The following PAPPA2 variants were observed in gnomAD, a reference collection of about 807,000 sequenced individuals.
PAPPA2 encodes the protein pappalysin 2.
In PAPPA2, 86 loss-of-function variants were observed where a neutral mutation model predicts 176.4. The ratio of observed to expected loss-of-function variants is 0.49; its 90% CI spans 0.41 to 0.58. The LOEUF is 0.58. Ranked by LOEUF, PAPPA2 falls within the 20% of genes least tolerant of loss-of-function variation. The probability of loss-of-function intolerance (pLI) is 0.00; values close to 1 mark genes in which losing one functional copy is unlikely to be tolerated. For missense variants in PAPPA2, 2,073 were observed against 2,256.9 expected, an observed-to-expected ratio of 0.92 and a Z score of 1.65; for synonymous variants, 809 against 852.2, an observed-to-expected ratio of 0.95 and a Z score of 0.88.
intron 17 of PAPPA2, among the ~76,000 whole-genome samples, chr1:176,778,711 A>G (rs574317265): frequency 5.9e-5 from 9 of 152,330 alleles, no homozygotes; most frequent in African/African-American, 2.2e-4. Context: ...TGTTCTATCT[A>G]TGATTGCTCA....
intron 17 of PAPPA2, among the ~76,000 whole-genome samples, chr1:176,785,386 G>A (rs750941657): frequency 6.6e-6 from 1 of 152,252 alleles, no homozygotes; most frequent in Non-Finnish European, 1.5e-5. Context: ...GAGGCTTAGA[G>A]ACGTTGGTTG....
At chr1:176,807,987 T>G (rs1362572467) in intron 21 of PAPPA2, among the ~76,000 whole-genome samples, 1 of 152,176 alleles carries the variant, frequency 6.6e-6, no homozygotes, top group Non-Finnish European at 1.5e-5. Context: ...GATGTACTCC[T>G]GCTTTCAGAA....
intron 4 of PAPPA2, among the ~76,000 whole-genome samples, chr1:176,684,027 G>T (rs1264989642): frequency 1.3e-5 from 2 of 152,044 alleles, no homozygotes; most frequent in Non-Finnish European, 2.9e-5. Context: ...TGAGAGCAAG[G>T]GTCCCTATCT....
At chr1:176,793,203 T>A (rs2102940782) in intron 19 of PAPPA2, among the ~76,000 whole-genome samples, 1 of 152,296 alleles carries the variant, frequency 6.6e-6, no homozygotes, top group South Asian at 2.1e-4. Flanking sequence ...ATAGACTTTG[T>A]CTAGCTAGAG....
chr1:176,556,228 A>T lies in PAPPA2; in HGVS notation c.-95A>T. 7.2e-7 allele frequency: 1 copy of T among 1,389,810 alleles called. No individual in the cohort carries two copies. Among genetic ancestry groups the T allele is most frequent in the Non-Finnish European group, 9.8e-7 (1 of 1,023,212 alleles). 86.1% of individuals were successfully genotyped at this position (1,389,810 alleles called of 1,614,324 possible). A position where few individuals can be genotyped will look rare whatever the true frequency, so the allele number is the denominator to read the frequency against. On this transcript the variant is annotated 5_prime_UTR_variant, in exon 2 of 23. Transcript: ENST00000367662. ...CAAAACAGTTTCCCTGGTGACTGCA[A>T]ATCCATTGCTAGCTGCCTCTTTCTC...
chr1:176,665,182 A>G (rs1658571255), intron 3 of PAPPA2, among the ~76,000 whole-genome samples: 1 of 152,234 alleles, frequency 6.6e-6, no homozygotes, highest in Non-Finnish European at 1.5e-5. Context: ...ATGAGCTCAT[A>G]CTACCATTAA....
chr1:176,483,060 G>A (rs1004596062), intron 1 of PAPPA2, among the ~76,000 whole-genome samples: 1 of 152,184 alleles, frequency 6.6e-6, no homozygotes, highest in African/African-American at 2.4e-5. Context: ...GAAGAGCATG[G>A]TGAATTCTCA....
At chr1:176,481,173 A>G (rs1299796779) in intron 1 of PAPPA2, among the ~76,000 whole-genome samples, 2 of 152,102 alleles carry the variant, frequency 1.3e-5, no homozygotes, top group East Asian at 1.9e-4. Context: ...TGATATTCCC[A>G]TAAGGAAGCC....
At chr1:176,586,495 A>G (rs1053736756) in intron 2 of PAPPA2, among the ~76,000 whole-genome samples, 2 of 151,924 alleles carry the variant, frequency 1.3e-5, no homozygotes, top group East Asian at 1.9e-4. Context: ...CTCTGTGTCC[A>G]TGTGTTCTCA....
At chr1:176,748,945 A>T (rs1400086323) in intron 14 of PAPPA2, among the ~76,000 whole-genome samples, 1 of 152,228 alleles carries the variant, frequency 6.6e-6, no homozygotes, top group African/African-American at 2.4e-5. Context: ...CCCAATGTTA[A>T]GTGACACATG....
chr1:176,510,785 A>G (rs1274094369), intron 1 of PAPPA2, among the ~76,000 whole-genome samples: 2 of 150,200 alleles, frequency 1.3e-5, no homozygotes, highest in African/African-American at 2.5e-5. Context: ...GCTAAAATGT[A>G]TATTTTAAAA....
At chr1:176,811,673 C>A (rs1344210231) in intron 21 of PAPPA2, among the ~76,000 whole-genome samples, 1 of 152,136 alleles carries the variant, frequency 6.6e-6, no homozygotes, top group Non-Finnish European at 1.5e-5. Context: ...AGGCTCACTA[C>A]CTGCCAAATT....
At chr1:176,489,421 A>G (rs989124052) in intron 1 of PAPPA2, among the ~76,000 whole-genome samples, 1 of 152,170 alleles carries the variant, frequency 6.6e-6, no homozygotes, top group Non-Finnish European at 1.5e-5. Flanking sequence ...TACTTTATAG[A>G]AAGTAGATTT....
At chr1:176,698,017 A>T (rs975643288) in intron 7 of PAPPA2, among the ~76,000 whole-genome samples, 1 of 152,146 alleles carries the variant, frequency 6.6e-6, no homozygotes, top group Non-Finnish European at 1.5e-5. Flanking sequence ...GCACACACAT[A>T]TTTTTGAAAT....
At chr1:176,574,731 G>A (rs1299231617) in intron 2 of PAPPA2, among the ~76,000 whole-genome samples, 1 of 152,116 alleles carries the variant, frequency 6.6e-6, no homozygotes, top group African/African-American at 2.4e-5. Context: ...GAAAATACAG[G>A]GATGCTTTGC....
chr1:176,671,239 G>A (rs923297618), intron 4 of PAPPA2, 124 bp downstream of exon 4: 55 of 1,289,026 alleles, frequency 4.3e-5, no homozygotes, highest in Non-Finnish European at 5.7e-5. Context: ...TGAATTAACT[G>A]CTTTGTGCTG....
Position 176,710,172 on chromosome 1 carries a change from C to T in PAPPA2, c.3647C>T (p.Ser1216Phe). 6.2e-7 allele frequency: 1 copy of T among 1,613,036 alleles called. No homozygotes were observed. Among genetic ancestry groups the T allele is most frequent in the Non-Finnish European group, 8.5e-7 (1 of 1,179,390 alleles). Residue 1216 changes from serine to phenylalanine, a missense_variant, in exon 11 of 23, where the codon TCC (serine) becomes TTC (phenylalanine). By Grantham distance (155) the Ser-to-Phe change is radical (BLOSUM62 -2). This residue lies in a region of PAPPA2 where 846 missense variants were observed against 857.9 expected (regional missense o/e 0.99). Coordinates refer to ENST00000367662, the MANE Select transcript of PAPPA2 (RefSeq NM_020318.3). ...TCCTTGGTAACTGGAGAACCTCATT[C>T]CCTAGTAAGTTAAGCCAGATGAATA... Reference protein sequence around the residue: ...PVSLVTGEPHSLICTSYHPDL... With the variant: ...PVSLVTGEPHFLICTSYHPDL...
intron 19 of PAPPA2, among the ~76,000 whole-genome samples, chr1:176,792,078 G>A (rs1024902498): frequency 6.6e-6 from 1 of 152,170 alleles, no homozygotes; most frequent in Non-Finnish European, 1.5e-5. Flanking sequence ...TTACTGGAGT[G>A]GAGAATTACT....
intron 15 of PAPPA2, 58 bp downstream of exon 15, chr1:176,765,895 A>G: frequency 1.9e-6 from 3 of 1,577,840 alleles, no homozygotes; most frequent in Non-Finnish European, 2.6e-6. Context: ...AGGTATTCAC[A>G]CTCTTCTCTC....
Sources: gnomAD v4.1 joint callset for allele counts (sites outside exome capture counted in the v4.1 genomes callset) on GRCh38, gnomAD v4.1.1 for gene constraint, gnomAD v4.1.1 regional missense constraint, MANE v1.5 for transcripts, NCBI Gene and HGNC (gene_info 2026-07-23, HGNC 2026-07-21) for gene names.